Variants in POU2F1 observed in about 807,000 individuals in gnomAD.
The protein encoded by POU2F1 is POU class 2 homeobox 1, also known as POU domain, class 2, transcription factor 1.
In POU2F1, 16 loss-of-function variants were observed where a neutral mutation model predicts 84.9. The ratio of observed to expected loss-of-function variants is 0.19; its 90% CI spans 0.13 to 0.29. The LOEUF is 0.29. Among genes scored for constraint, POU2F1 ranks in the 10% least tolerant of loss-of-function variants. The pLI, the probability that POU2F1 is intolerant of heterozygous loss-of-function variation, is 1.00. For missense variants in POU2F1, 738 were observed against 942.6 expected (o/e 0.78, Z 2.84); for synonymous variants, 368 against 368.3 (o/e 1.00, Z 0.01).
In POU2F1 at chr1:167,422,459, A is replaced by G. The variant is rs539419867; in HGVS notation, c.*6649A>G. On this transcript the variant is annotated 3_prime_UTR_variant, in exon 16 of 16. Coordinates refer to ENST00000367866, the MANE Select transcript of POU2F1 (RefSeq NM_002697.4). ...AGTTCTTTCTAGACCAAAAACACAA[A>G]CAGGATAAAAAGCAAACCAAGAAGT... The G allele has an allele frequency of 1.3e-5, 2 of 152,360 alleles. No individual in the cohort carries two copies. Among genetic ancestry groups the G allele is most frequent in the South Asian group, 4.1e-4 (2 of 4,824 alleles). The allele number at this position is 152,360 out of a possible 1,614,324, so 9.4% of individuals were successfully genotyped here. A position where few individuals can be genotyped will look rare whatever the true frequency, so the allele number is the denominator to read the frequency against.
chr1:167,336,025 A>G (rs902952988), intron 2 of POU2F1, among the ~76,000 whole-genome samples: 2 of 152,236 alleles, frequency 1.3e-5, no homozygotes, highest in Non-Finnish European at 2.9e-5. Context: ...AATATTGAAA[A>G]AAATTAAAAG....
chr1:167,306,671 A>G (rs569268362), intron 1 of POU2F1, among the ~76,000 whole-genome samples: 4 of 152,110 alleles, frequency 2.6e-5, no homozygotes, highest in Non-Finnish European at 5.9e-5. Context: ...GTCCAGAATA[A>G]GGTATTAGTA....
intron 2 of POU2F1, among the ~76,000 whole-genome samples, chr1:167,337,218 T>A (rs185843777): frequency 1.7e-3 from 253 of 148,652 alleles, no homozygotes; most frequent in African/African-American, 6.0e-3. Context: ...TCCCAGCTGC[T>A]TGGGGGAAGA....
intron 1 of POU2F1, among the ~76,000 whole-genome samples, chr1:167,245,825 G>C (rs1302287667): frequency 6.6e-6 from 1 of 152,158 alleles, no homozygotes; most frequent in African/African-American, 2.4e-5. Context: ...CCAAAGTGTT[G>C]GAATTACAGG....
intron 13 of POU2F1, among the ~76,000 whole-genome samples, chr1:167,401,814 G>A (rs1315714850): frequency 6.6e-6 from 1 of 152,058 alleles, no homozygotes; most frequent in Non-Finnish European, 1.5e-5. Flanking sequence ...CTAGTCTTTT[G>A]CCTACGCACC....
At chr1:167,301,617 A>G (rs1486305331) in intron 1 of POU2F1, among the ~76,000 whole-genome samples, 1 of 152,194 alleles carries the variant, frequency 6.6e-6, no homozygotes, top group African/African-American at 2.4e-5. Context: ...GGAACATTTC[A>G]AAAGAATAAA....
At chr1:167,395,277 A>G (rs1271124353) in intron 9 of POU2F1, among the ~76,000 whole-genome samples, 2 of 152,332 alleles carry the variant, frequency 1.3e-5, no homozygotes, top group Non-Finnish European at 2.9e-5. Context: ...CTATAAGGTT[A>G]CTAAGTTTCC....
chr1:167,398,388 GAATT>G (rs1243678194), intron 11 of POU2F1, among the ~76,000 whole-genome samples: 1 of 152,128 alleles, frequency 6.6e-6, no homozygotes, highest in Non-Finnish European at 1.5e-5. Flanking sequence ...GGATACATAG[GAATT>G]AATTCCACAG....
At chr1:167,358,414 G>A (rs920753367) in intron 2 of POU2F1, among the ~76,000 whole-genome samples, 1 of 151,936 alleles carries the variant, frequency 6.6e-6, no homozygotes, top group African/African-American at 2.4e-5. Context: ...CATAAAATGA[G>A]TTAGAAGTGT....
Position 167,424,859 on chromosome 1 carries a change from T to C in POU2F1, c.*9049T>C, listed in dbSNP as rs974594889. On this transcript the variant is annotated 3_prime_UTR_variant, in exon 16 of 16. Transcript: ENST00000367866. ...TGACAGCTGGCCACACGTCAACTTC[T>C]GTACTTGCCTTTTCCTTGGTGGGGT... 6.6e-6 allele frequency: 1 copy of C among 152,266 alleles called. No individual in the cohort carries two copies. Among genetic ancestry groups the C allele is most frequent in the Admixed American group, 6.5e-5 (1 of 15,292 alleles). 9.4% of individuals were successfully genotyped at this position (152,266 alleles called of 1,614,324 possible).
rs573044902 is a variant in POU2F1 at position 167,262,491 on chromosome 1, G to A, written c.61+41533G>A. On this transcript the variant is annotated intron_variant, in intron 1 of 15. Transcript: ENST00000367866. Reference sequence around the variant, plus strand: ...ACAAGATGAATCAGAAACCGTATCTGCCCTCAAAGGGACTAAGTTCTTAAA... The same window carrying A: ...ACAAGATGAATCAGAAACCGTATCTACCCTCAAAGGGACTAAGTTCTTAAA... Among the ~76,000 whole-genome samples the A allele has an allele frequency of 3.0e-4, 46 of 152,328 alleles. No homozygotes were observed. In the South Asian group the frequency reaches 8.9e-3, roughly 29 times the overall value.
chr1:167,283,559 G>A (rs1255440939), intron 1 of POU2F1, among the ~76,000 whole-genome samples: 2 of 152,110 alleles, frequency 1.3e-5, no homozygotes, highest in Admixed American at 6.6e-5. Context: ...TTCTTAAGAC[G>A]TGACAGCAAT....
intron 3 of POU2F1, among the ~76,000 whole-genome samples, chr1:167,368,454 G>A (rs1304052771): frequency 6.6e-6 from 1 of 151,724 alleles, no homozygotes; most frequent in Non-Finnish European, 1.5e-5. Flanking sequence ...ATGTCTTTTT[G>A]CCTCCTGGTA....
Position 167,271,046 on chromosome 1 carries a change from T to C in POU2F1, c.61+50088T>C, listed in dbSNP as rs149509376. On this transcript the variant is annotated intron_variant, in intron 1 of 15. Coordinates refer to ENST00000367866, the MANE Select transcript of POU2F1 (RefSeq NM_002697.4). The stretch of plus-strand genomic sequence containing the variant: ...CAAGCCAGTGTTAACACATTTCAAA[T>C]ATTGTGAAAAGTTGAATTTATGCTA... 1.1e-4 allele frequency among the ~76,000 whole-genome samples: 17 copies of C among 152,350 alleles called. No homozygotes were observed. The East Asian group carries it at 3.3e-3, about 29-fold the overall frequency.
At chr1:167,263,839 TAG>T (rs2102443832) in intron 1 of POU2F1, among the ~76,000 whole-genome samples, 1 of 152,314 alleles carries the variant, frequency 6.6e-6, no homozygotes, top group Admixed American at 6.5e-5. Flanking sequence ...GTGACCTTCA[TAG>T]AGTCTTAAGA....
At chr1:167,411,938 C>T (rs1168755383) in intron 13 of POU2F1, 21 bp from the exon 14 acceptor site, 1 of 1,593,970 alleles carries the variant, frequency 6.3e-7, no homozygotes, top group Non-Finnish European at 8.6e-7. Context: ...AGGTCATCTT[C>T]TAATCTGTTT....
chr1:167,292,492 A>C (rs1653996292), intron 1 of POU2F1, among the ~76,000 whole-genome samples: 1 of 151,572 alleles, frequency 6.6e-6, no homozygotes, highest in African/African-American at 2.4e-5. Context: ...TAAAAAAAAA[A>C]AAAAACTTGC....
intron 13 of POU2F1, 43 bp downstream of exon 13, chr1:167,401,599 G>A (rs781692824): frequency 8.5e-5 from 118 of 1,393,388 alleles, no homozygotes; most frequent in Non-Finnish European, 1.1e-4. Flanking sequence ...CACATGGGAG[G>A]CCCGTTTTGG....
Position 167,418,923 on chromosome 1 carries a change from T to A in POU2F1, c.*3113T>A, listed in dbSNP as rs532509311. 7 of 152,276 alleles carry A rather than the reference T, an allele frequency of 4.6e-5. No homozygotes were observed. The South Asian group carries it at 1.5e-3, about 32-fold the overall frequency. 9.4% of individuals were successfully genotyped at this position (152,276 alleles called of 1,614,324 possible). ...AAATCTTTAGATAAAAATAAATTTT[T>A]TTCTCTTTTTTTACTTATTTAAAAA... On this transcript the variant is annotated 3_prime_UTR_variant, in exon 16 of 16. Transcript: ENST00000367866.
Sources: allele counts gnomAD v4.1 joint callset (sites outside exome capture counted in the v4.1 genomes callset), GRCh38; gene constraint gnomAD v4.1.1; transcripts MANE v1.5; gene names NCBI Gene and HGNC (gene_info 2026-07-23, HGNC 2026-07-21).